The following VPS13B variants were observed in gnomAD, a reference collection of about 807,000 sequenced individuals.
VPS13B encodes intermembrane lipid transfer protein VPS13B.
A neutral mutation model predicts 426.4 loss-of-function variants in VPS13B; 285 were observed. That is an observed-to-expected ratio of 0.67 (90% CI 0.61 to 0.74). The LOEUF is 0.74. Among genes scored for constraint, VPS13B ranks in the 30% least tolerant of loss-of-function variants. The pLI, the probability that VPS13B is intolerant of heterozygous loss-of-function variation, is 0.00. For synonymous variants in VPS13B, 1,676 were observed against 1,676.4 expected, an observed-to-expected ratio of 1.00 and a Z score of 0.01; for missense variants, 4,537 against 4,782.6, an observed-to-expected ratio of 0.95 and a Z score of 1.51.
chr8:99,360,377 A>T (rs1295409266), intron 19 of VPS13B, among the ~76,000 whole-genome samples: 1 of 150,136 alleles, frequency 6.7e-6, no homozygotes, highest in African/African-American at 2.5e-5. Context: ...TCCCGGGTTC[A>T]TTCCATTCTC....
chr8:99,339,324 TG>T (rs1811108949), intron 19 of VPS13B, among the ~76,000 whole-genome samples: 1 of 151,992 alleles, frequency 6.6e-6, no homozygotes, highest in African/African-American at 2.4e-5. Flanking sequence ...TGCTGGCATC[TG>T]GTTGACTTCT....
intron 19 of VPS13B, among the ~76,000 whole-genome samples, chr8:99,307,488 G>A (rs972981842): frequency 7.9e-5 from 12 of 151,960 alleles, no homozygotes; most frequent in Admixed American, 4.6e-4. Flanking sequence ...AAACTTCATA[G>A]GTAGAACATT....
At chr8:99,755,724 G>A (rs573222025) in intron 39 of VPS13B, among the ~76,000 whole-genome samples, 16 of 152,232 alleles carry the variant, frequency 1.1e-4, no homozygotes, top group South Asian at 2.1e-4. Context: ...AGCCAAGATC[G>A]TGCCACTGCC....
chr8:99,859,184 G>T, intron 56 of VPS13B, 120 bp from the exon 57 acceptor site: 1 of 1,236,604 alleles, frequency 8.1e-7, no homozygotes, highest in Non-Finnish European at 1.2e-6. Flanking sequence ...CAAAGAAACA[G>T]ATTACTTTCC....
At chr8:99,620,486 A>G (rs1038681786) in intron 33 of VPS13B, among the ~76,000 whole-genome samples, 1 of 152,198 alleles carries the variant, frequency 6.6e-6, no homozygotes, top group African/African-American at 2.4e-5. Flanking sequence ...CCACTGAGAA[A>G]TAAAGGGTGG....
intron 58 of VPS13B, among the ~76,000 whole-genome samples, chr8:99,862,599 G>A (rs1816895116): frequency 6.6e-6 from 1 of 152,128 alleles, no homozygotes; most frequent in African/African-American, 2.4e-5. Context: ...GGATTTTTTT[G>A]TTTATTTGTT....
At chr8:99,318,997 C>G (rs868438180) in intron 19 of VPS13B, among the ~76,000 whole-genome samples, 4 of 152,070 alleles carry the variant, frequency 2.6e-5, no homozygotes, top group Non-Finnish European at 4.4e-5. Context: ...TCTTATGTCC[C>G]TTTACTATCT....
At chr8:99,634,471 G>T (rs1563835891) in intron 33 of VPS13B, among the ~76,000 whole-genome samples, 1 of 151,942 alleles carries the variant, frequency 6.6e-6, no homozygotes, top group Non-Finnish European at 1.5e-5. Context: ...TTCATGAAAG[G>T]GAAAACTTGA....
intron 6 of VPS13B, among the ~76,000 whole-genome samples, chr8:99,115,157 G>A (rs1847590327): frequency 6.6e-6 from 1 of 151,824 alleles, no homozygotes; most frequent in South Asian, 2.1e-4. Context: ...TTCCATATTT[G>A]ACAAAAATTT....
intron 19 of VPS13B, among the ~76,000 whole-genome samples, chr8:99,320,663 C>A (rs1429995993): frequency 1.3e-5 from 2 of 152,198 alleles, no homozygotes; most frequent in Non-Finnish European, 2.9e-5. Flanking sequence ...AGCATTTAAT[C>A]TGTAAATGCT....
intron 16 of VPS13B, 24 bp downstream of exon 16, chr8:99,170,187 G>T: frequency 6.2e-7 from 1 of 1,610,336 alleles, no homozygotes; most frequent in South Asian, 1.1e-5. Flanking sequence ...GTTAAAATGT[G>T]ATTTATGTTA....
chr8:99,377,912 G>A (rs1813576451), intron 19 of VPS13B, among the ~76,000 whole-genome samples: 1 of 152,194 alleles, frequency 6.6e-6, no homozygotes, highest in South Asian at 2.1e-4. Flanking sequence ...AGGTCAGGGT[G>A]AAACTAGAAT....
chr8:99,599,531 C>T (rs371470377), intron 33 of VPS13B, among the ~76,000 whole-genome samples: 3 of 151,932 alleles, frequency 2.0e-5, no homozygotes, highest in African/African-American at 4.8e-5. Context: ...ATTAAGGGTC[C>T]GTGGTTTGCT....
chr8:99,312,619 A>G (rs1413797587), intron 19 of VPS13B, among the ~76,000 whole-genome samples: 1 of 151,918 alleles, frequency 6.6e-6, no homozygotes, highest in South Asian at 2.1e-4. Context: ...CTTCATTTCA[A>G]CTTTGGTGAA....
chr8:99,192,787 T>G, intron 16 of VPS13B, 89 bp from the exon 17 acceptor site: 1 of 1,443,782 alleles, frequency 6.9e-7, no homozygotes, highest in South Asian at 1.2e-5. Flanking sequence ...ATGTATACCC[T>G]TTCTTCCCTT....
intron 19 of VPS13B, among the ~76,000 whole-genome samples, chr8:99,358,331 C>T (rs1812303068): frequency 6.6e-6 from 1 of 152,116 alleles, no homozygotes; most frequent in South Asian, 2.1e-4. Flanking sequence ...TTTCATAATA[C>T]TGGACTATTT....
chr8:99,176,207 G>T (rs1812622749), intron 16 of VPS13B, among the ~76,000 whole-genome samples: 1 of 152,030 alleles, frequency 6.6e-6, no homozygotes. Context: ...CATGATCTTG[G>T]CTCACTAGCC....
chr8:99,297,025 G>A (rs1820077612), intron 19 of VPS13B, among the ~76,000 whole-genome samples: 1 of 151,876 alleles, frequency 6.6e-6, no homozygotes, highest in South Asian at 2.1e-4. Flanking sequence ...TATATATGAG[G>A]GGGAGGGATT....
intron 24 of VPS13B, among the ~76,000 whole-genome samples, chr8:99,471,804 C>T (rs150429056): frequency 3.9e-5 from 6 of 152,156 alleles, no homozygotes; most frequent in East Asian, 1.9e-4. Flanking sequence ...AATTGAATAA[C>T]GGAACAGTAT....
Sources: gnomAD v4.1 joint callset for allele counts (sites outside exome capture counted in the v4.1 genomes callset) on GRCh38, gnomAD v4.1.1 for gene constraint, MANE v1.5 for transcripts, NCBI Gene and HGNC (gene_info 2026-07-23, HGNC 2026-07-21) for gene names.